SLC5A10: variants seen among roughly 807,000 people sequenced by gnomAD.
SLC5A10 encodes the protein solute carrier family 5 member 10.
Under a neutral mutation model 68.9 loss-of-function variants are expected in SLC5A10, and 55 were observed. That is an observed-to-expected ratio of 0.80 (90% CI 0.64 to 1.00). SLC5A10 has a LOEUF of 1.00. Among genes scored for constraint, SLC5A10 ranks in the 50% least tolerant of loss-of-function variants. The pLI, the probability that SLC5A10 is intolerant of heterozygous loss-of-function variation, is 0.00. For synonymous variants in SLC5A10, 344 were observed against 344.8 expected (o/e 1.00, Z 0.02); for missense variants, 732 against 819.3 (o/e 0.89, Z 1.30).
At chr17:18,978,353 T>A in intron 9 of SLC5A10, 1 of 1,599,536 alleles carries the variant, frequency 6.3e-7, no homozygotes, top group South Asian at 1.1e-5. Context: ...GGGCTGGGGG[T>A]TCCAGATGTT....
Position 19,021,880 on chromosome 17 carries a change from A to T in SLC5A10, c.*1449A>T. On this transcript the variant is annotated 3_prime_UTR_variant, in exon 15 of 15. Transcript: ENST00000395645. This position sits in a 1 kb window ranked among gnomAD's most constrained non-coding sequence, Gnocchi z 4.1. ...CCACTGAGCCCCGTGTGACTCTGACAGAGCTGGGGGTGTCCATGTCCTCTC... is the reference window on the plus strand; with the variant it reads ...CCACTGAGCCCCGTGTGACTCTGACTGAGCTGGGGGTGTCCATGTCCTCTC... 1.5e-6 allele frequency: 2 copies of T among 1,367,048 alleles called. No homozygotes were observed. Among genetic ancestry groups the T allele is most frequent in the Non-Finnish European group, 1.9e-6 (2 of 1,048,300 alleles). The allele number at this position is 1,367,048 out of a possible 1,614,324, so 84.7% of individuals were successfully genotyped here. A position where few individuals can be genotyped will look rare whatever the true frequency, so the allele number is the denominator to read the frequency against.
At chr17:18,977,753 G>A in intron 9 of SLC5A10, 1 of 1,605,438 alleles carries the variant, frequency 6.2e-7, no homozygotes, top group Non-Finnish European at 8.5e-7. Context: ...TGGCCCGTTG[G>A]CCACTTGCTC....
At chr17:19,020,113 C>T in intron 13 of SLC5A10, 42 bp from the exon 14 acceptor site, 1 of 882,196 alleles carries the variant, frequency 1.1e-6, no homozygotes, top group Non-Finnish European at 1.9e-6. Flanking sequence ...CCCCACCCTG[C>T]CATCCCCCAC....
rs769121145 is a variant in SLC5A10 at position 19,004,068 on chromosome 17, C to A, written c.983-9342C>A. 3.5e-5 allele frequency: 55 copies of A among 1,557,206 alleles called. No individual in the cohort carries two copies. Among genetic ancestry groups the A allele is most frequent in the Non-Finnish European group, 4.7e-5 (54 of 1,151,140 alleles). Reference sequence around the variant, plus strand: ...GCGCCGCCTGCCCGGGCACTGCTGCCGGGGGTGGGTGGGCAAGGTCCAGCT... The same window carrying A: ...GCGCCGCCTGCCCGGGCACTGCTGCAGGGGGTGGGTGGGCAAGGTCCAGCT... On this transcript the variant is annotated intron_variant, in intron 9 of 14. Transcript: ENST00000395645. This position sits in a 1 kb window ranked among gnomAD's most constrained non-coding sequence, Gnocchi z 5.4.
At chr17:18,994,173 CAG>C (rs761357041) in intron 9 of SLC5A10, among the ~76,000 whole-genome samples, 8 of 152,212 alleles carry the variant, frequency 5.3e-5, no homozygotes, top group Admixed American at 3.3e-4. Context: ...GATGGAATAA[CAG>C]AGACGGAATT....
At chr17:19,001,497 A>T (rs1411569694) in intron 9 of SLC5A10, among the ~76,000 whole-genome samples, 1 of 152,196 alleles carries the variant, frequency 6.6e-6, no homozygotes, top group Admixed American at 6.5e-5. Flanking sequence ...AGGCTGGAGG[A>T]CATCACTCAC....
chr17:18,966,039 T>C (rs996807738), intron 5 of SLC5A10, among the ~76,000 whole-genome samples: 6 of 152,156 alleles, frequency 3.9e-5, no homozygotes, highest in African/African-American at 1.4e-4. Context: ...CGCACATTTG[T>C]CACCTGTCAA....
intron 9 of SLC5A10, among the ~76,000 whole-genome samples, chr17:19,011,364 G>A (rs1021385878): frequency 7.2e-5 from 11 of 152,212 alleles, no homozygotes; most frequent in Non-Finnish European, 1.3e-4. Context: ...AAGGCATGGA[G>A]GCGTCCAAGT....
At chr17:19,012,185 C>A (rs2044028341) in intron 9 of SLC5A10, among the ~76,000 whole-genome samples, 1 of 152,132 alleles carries the variant, frequency 6.6e-6, no homozygotes, top group South Asian at 2.1e-4. Context: ...CAACTCTCTT[C>A]ATCCCTACGT....
At chr17:18,966,556 G>A (rs921408585) in intron 5 of SLC5A10, among the ~76,000 whole-genome samples, 1 of 152,136 alleles carries the variant, frequency 6.6e-6, no homozygotes, top group South Asian at 2.1e-4. Context: ...CTGAGGTCAG[G>A]AGTTTGAGAC....
intron 9 of SLC5A10, among the ~76,000 whole-genome samples, chr17:18,997,694 T>C (rs969972136): frequency 1.4e-4 from 21 of 152,298 alleles, no homozygotes; most frequent in African/African-American, 4.6e-4. Flanking sequence ...ACATGCTCTC[T>C]GCTGCGTTCC....
chr17:18,982,461 G>A (rs1221711177), intron 9 of SLC5A10, among the ~76,000 whole-genome samples: 1 of 152,250 alleles, frequency 6.6e-6, no homozygotes, highest in Non-Finnish European at 1.5e-5. Context: ...CCCCGGCACA[G>A]GACAGCAGAT....
intron 1 of SLC5A10, among the ~76,000 whole-genome samples, chr17:18,957,221 A>G (rs564361088): frequency 1.3e-5 from 2 of 152,314 alleles, no homozygotes; most frequent in African/African-American, 4.8e-5. Context: ...AAACCAAGGC[A>G]TACGCGTTCA....
At chr17:19,019,357 G>C in intron 11 of SLC5A10, 66 bp from the exon 12 acceptor site, 2 of 1,549,920 alleles carry the variant, frequency 1.3e-6, no homozygotes, top group Non-Finnish European at 1.7e-6. Context: ...TTAGTGACCA[G>C]GGGAGGTGGG....
chr17:18,964,577 A>C (rs1435381452), intron 5 of SLC5A10, among the ~76,000 whole-genome samples: 1 of 152,234 alleles, frequency 6.6e-6, no homozygotes, highest in Non-Finnish European at 1.5e-5. Context: ...GTGACAAAAG[A>C]AGCAAACACG....
intron 9 of SLC5A10, among the ~76,000 whole-genome samples, chr17:18,984,245 A>G (rs1029774052): frequency 6.6e-6 from 1 of 151,364 alleles, no homozygotes; most frequent in Non-Finnish European, 1.5e-5. Flanking sequence ...GGGAGGCTGA[A>G]GCAGGATAAT....
chr17:18,960,498 C>T (rs1226599942), intron 4 of SLC5A10, 50 bp from the exon 5 acceptor site: 3 of 1,524,228 alleles, frequency 2.0e-6, no homozygotes, highest in Non-Finnish European at 2.7e-6. Flanking sequence ...TGCCTGGAGC[C>T]CTGGGCATCA....
At position 19,017,354 on chromosome 17, in the gene SLC5A10, T is replaced by A. The variant is rs2044162187; in HGVS notation, c.1242-2069T>A. On this transcript the variant is annotated intron_variant, in intron 11 of 14. Transcript: ENST00000395645. The surrounding 1 kb of genome is among the most constrained non-coding windows in gnomAD (Gnocchi z 5.6). ...CTTCCTCCTGCCCGAAACACCACCA[T>A]TGGAGCGGTATCTCCTAGGCCTCGT... 3 of 1,551,922 alleles carry A rather than the reference T, an allele frequency of 1.9e-6. No individual in the cohort carries two copies. Among genetic ancestry groups the A allele is most frequent in the Non-Finnish European group, 2.6e-6 (3 of 1,147,028 alleles).
chr17:18,968,616 C>T lies in SLC5A10; in HGVS notation c.454-436C>T, dbSNP rs949863613. Among the ~76,000 whole-genome samples the T allele has an allele frequency of 7.3e-6, 1 of 136,506 alleles. No homozygotes were observed. The highest frequency in any genetic ancestry group is 6.8e-5 in the Admixed American group (1 of 14,624). 89.6% of individuals were successfully genotyped at this position (136,506 alleles called of 152,430 possible). ...GGCTGCCCCTCTGTTTCCTGGTCCGCCCAGCACACACTTTTCCTGAGGCCT... is the reference window on the plus strand; with the variant it reads ...GGCTGCCCCTCTGTTTCCTGGTCCGTCCAGCACACACTTTTCCTGAGGCCT... On this transcript the variant is annotated intron_variant, in intron 5 of 14. Transcript: ENST00000395645. The surrounding 1 kb of genome is among the most constrained non-coding windows in gnomAD (Gnocchi z 4.1).
Sources: allele counts gnomAD v4.1 joint callset (sites outside exome capture counted in the v4.1 genomes callset), GRCh38; gene constraint gnomAD v4.1.1; non-coding constraint Gnocchi (gnomAD v3.1); transcripts MANE v1.5; gene names NCBI Gene and HGNC (gene_info 2026-07-23, HGNC 2026-07-21).